Variants in HYCC2 observed in about 807,000 individuals in gnomAD.
HYCC2 encodes the protein hyccin PI4KA lipid kinase complex subunit 2.
chr2:200,981,412 G>C, the HYCC2 span: 1 of 1,614,150 alleles, frequency 6.2e-7, no homozygotes, highest in Non-Finnish European at 8.5e-7. The surrounding 1 kb of genome is among the most constrained non-coding windows in gnomAD (Gnocchi z 4.5). Context: ...GTATCGATTA[G>C]CATTGTTGGC....
At chr2:200,982,459 T>C in the HYCC2 span, among the ~76,000 whole-genome samples, 1 of 152,220 alleles carries the variant, frequency 6.6e-6, no homozygotes, top group Admixed American at 6.5e-5. Context: ...ATTTTTTAAA[T>C]AACTCAAAAC....
the HYCC2 span, among the ~76,000 whole-genome samples, chr2:201,013,088 C>T: frequency 2.6e-5 from 4 of 152,102 alleles, no homozygotes; most frequent in Non-Finnish European, 4.4e-5. Context: ...GCATACATCA[C>T]TGGCATAAAA....
the HYCC2 span, among the ~76,000 whole-genome samples, chr2:201,030,378 T>C: frequency 1.9e-3 from 282 of 151,730 alleles, 3 homozygotes; most frequent in African/African-American, 6.4e-3. Context: ...AAAAAAAAAA[T>C]GGAACTTAGC....
chr2:201,011,232 C>G, the HYCC2 span, among the ~76,000 whole-genome samples: 1 of 152,112 alleles, frequency 6.6e-6, no homozygotes, highest in East Asian at 1.9e-4. Flanking sequence ...TTATTTTCTA[C>G]CTCTCTCGTC....
chr2:201,000,215 T>C, the HYCC2 span, among the ~76,000 whole-genome samples: 1 of 151,304 alleles, frequency 6.6e-6, no homozygotes, highest in African/African-American at 2.4e-5. Flanking sequence ...GGTACAAAAA[T>C]AATTTTTTTA....
the HYCC2 span, among the ~76,000 whole-genome samples, chr2:201,069,571 CACACACACACACACACACGCATAAAAGCA>C: frequency 1.4e-5 from 2 of 145,612 alleles, no homozygotes; most frequent in Non-Finnish European, 3.1e-5. Flanking sequence ...CACACACACA[CACACACACACACACACACGCATAAAAGCA>C]ACACACACAC....
At chr2:200,991,528 C>T in the HYCC2 span, among the ~76,000 whole-genome samples, 42 of 150,524 alleles carry the variant, frequency 2.8e-4, no homozygotes, top group South Asian at 8.0e-3. Context: ...GAGATAGCGC[C>T]ACTGCACTCC....
chr2:200,998,211 T>C, the HYCC2 span, among the ~76,000 whole-genome samples: 1 of 152,214 alleles, frequency 6.6e-6, no homozygotes, highest in African/African-American at 2.4e-5. Context: ...TCCAGCCTTA[T>C]TTCTCTCCAT....
the HYCC2 span, among the ~76,000 whole-genome samples, chr2:201,031,502 T>C: frequency 6.6e-6 from 1 of 152,032 alleles, no homozygotes; most frequent in Admixed American, 6.6e-5. Context: ...AAATACAAAA[T>C]TAACCAGGTA....
chr2:201,011,355 T>C, the HYCC2 span: 1 of 1,192,454 alleles, frequency 8.4e-7, no homozygotes, highest in Non-Finnish European at 1.2e-6. Flanking sequence ...TTACTCAATA[T>C]AATTTAAAAT....
At chr2:201,061,987 C>A in the HYCC2 span, among the ~76,000 whole-genome samples, 1 of 152,010 alleles carries the variant, frequency 6.6e-6, no homozygotes, top group African/African-American at 2.4e-5. Context: ...TGCCTGTGGT[C>A]CCAAATACTT....
the HYCC2 span, among the ~76,000 whole-genome samples, chr2:201,031,578 G>C: frequency 6.6e-6 from 1 of 152,192 alleles, no homozygotes; most frequent in Non-Finnish European, 1.5e-5. Flanking sequence ...TTCAACCTGG[G>C]AAGCGGAGGT....
chr2:201,071,141 T>C, the HYCC2 span, among the ~76,000 whole-genome samples: 20 of 152,212 alleles, frequency 1.3e-4, no homozygotes, highest in Non-Finnish European at 2.5e-4. Flanking sequence ...ATAATGAGTG[T>C]TCAGAATCTG....
the HYCC2 span, among the ~76,000 whole-genome samples, chr2:200,991,339 G>C: frequency 6.6e-6 from 1 of 152,068 alleles, no homozygotes; most frequent in Admixed American, 6.5e-5. Context: ...GGAGGCCGAG[G>C]TGGGTGGATC....
chr2:201,056,376 G>A, the HYCC2 span, among the ~76,000 whole-genome samples: 286 of 152,106 alleles, frequency 1.9e-3, 3 homozygotes, highest in African/African-American at 6.7e-3. Context: ...CAAGGTAGCA[G>A]TATAAGATGC....
chr2:200,996,028 C>CTT, the HYCC2 span: 387 of 115,410 alleles, frequency 3.4e-3, 1 homozygote, highest in South Asian at 5.8e-3. Flanking sequence ...TTTCTTTTTT[C>CTT]TTTTTTTTTT....
chr2:201,069,427 T>C, the HYCC2 span, among the ~76,000 whole-genome samples: 1 of 152,166 alleles, frequency 6.6e-6, no homozygotes, highest in African/African-American at 2.4e-5. Context: ...TTTAGCTACT[T>C]GGTAATTTCC....
chr2:200,987,250 C>T, the HYCC2 span: 1 of 930,578 alleles, frequency 1.1e-6, no homozygotes, highest in Non-Finnish European at 1.4e-6. Context: ...CTAATACACC[C>T]TGGGGTACTA....
the HYCC2 span, chr2:200,976,884 T>C: frequency 1.3e-5 from 2 of 152,230 alleles, no homozygotes; most frequent in African/African-American, 4.8e-5. Context: ...AATCTTTACT[T>C]TGCAATACTC....
Sources: gnomAD v4.1 joint callset for allele counts (sites outside exome capture counted in the v4.1 genomes callset) on GRCh38, gnomAD v4.1.1 for gene constraint, Gnocchi (gnomAD v3.1) non-coding constraint, MANE v1.5 for transcripts, NCBI Gene and HGNC (gene_info 2026-07-23, HGNC 2026-07-21) for gene names.